Variants in CCNJ observed in about 807,000 individuals in gnomAD.
The protein encoded by CCNJ is cyclin-J.
In CCNJ, 12 loss-of-function variants were observed where a neutral mutation model predicts 41.4. The observed-to-expected ratio is 0.29, with a 90% confidence interval of 0.19 to 0.47. The LOEUF is 0.47. Among genes scored for constraint, CCNJ ranks in the 20% least tolerant of loss-of-function variants. The pLI is 1.00. For missense variants in CCNJ, 340 were observed against 464.6 expected (o/e 0.73, Z 2.47); for synonymous variants, 161 against 173.4 (o/e 0.93, Z 0.56).
chr10:96,044,474 G>A lies in CCNJ; in HGVS notation c.69+12G>A. ...CGCTTCGCTACAAGGTAACTCCGAG[G>A]CCCGGCCTGCCTTCTCCTTCTGTGT... On this transcript the variant is annotated intron_variant, in intron 2 of 5. Coordinates refer to ENST00000465148, the MANE Select transcript of CCNJ (RefSeq NM_001134375.2). 2 of 1,515,394 alleles carry A rather than the reference G, an allele frequency of 1.3e-6. No individual in the cohort carries two copies. Among genetic ancestry groups the A allele is most frequent in the Admixed American group, 2.0e-5 (1 of 50,846 alleles). 93.9% of individuals were successfully genotyped at this position (1,515,394 alleles called of 1,614,324 possible). A position where few individuals can be genotyped will look rare whatever the true frequency, so the allele number is the denominator to read the frequency against.
rs2080765362 is a variant in CCNJ at position 96,059,038 on chromosome 10, CAT to C, written c.*799_*800del. On this transcript the variant is annotated 3_prime_UTR_variant, in exon 6 of 6. Transcript: ENST00000465148. ...GTTATAGTGTGAACTACCTTTATAA[CAT>C]AGGTTAAAATACGCTTGCTAGGGTG... 1 of 152,620 alleles carries C rather than the reference CAT, an allele frequency of 6.6e-6. No homozygotes were observed. Among genetic ancestry groups the C allele is most frequent in the African/African-American group, 2.4e-5 (1 of 41,432 alleles). 9.5% of individuals were successfully genotyped at this position (152,620 alleles called of 1,614,324 possible).
In CCNJ at chr10:96,060,270, A is replaced by G. The variant is rs200686010; in HGVS notation, c.*2029A>G. 6.5e-6 allele frequency: 1 copy of G among 152,672 alleles called. No individual in the cohort carries two copies. Among genetic ancestry groups the G allele is most frequent in the Admixed American group, 6.5e-5 (1 of 15,290 alleles). The allele number at this position is 152,672 out of a possible 1,614,324, so 9.5% of individuals were successfully genotyped here. The stretch of plus-strand genomic sequence containing the variant: ...GGGATAGAGATCCCAACTTGAAACA[A>G]CAGCCAGTGCCTGTGGTAACTTAAT... On this transcript the variant is annotated 3_prime_UTR_variant, in exon 6 of 6. Coordinates refer to ENST00000465148, the MANE Select transcript of CCNJ (RefSeq NM_001134375.2).
chr10:96,043,925 T>C (rs1229935652), intron 1 of CCNJ, among the ~76,000 whole-genome samples: 3 of 152,118 alleles, frequency 2.0e-5, no homozygotes, highest in African/African-American at 7.2e-5. Flanking sequence ...AGGCAGACGC[T>C]CACCCCCGGG....
In CCNJ at chr10:96,060,760, CTG is replaced by C. The variant is rs79604782; in HGVS notation, c.*2523_*2524del. On this transcript the variant is annotated 3_prime_UTR_variant, in exon 6 of 6. Coordinates refer to ENST00000465148, the MANE Select transcript of CCNJ (RefSeq NM_001134375.2). Reference sequence around the variant, plus strand: ...GTACAGACTGCAAACCAAAATGTATCTGTGTTACGACATTAATTGCAAATAGC... The same window carrying C: ...GTACAGACTGCAAACCAAAATGTATCTGTTACGACATTAATTGCAAATAGC... 3.5e-3 allele frequency: 541 copies of C among 152,514 alleles called. 1 individual carries two copies. The highest frequency in any genetic ancestry group is 6.0e-3 in the Non-Finnish European group (405 of 67,996). 9.4% of individuals were successfully genotyped at this position (152,514 alleles called of 1,614,324 possible).
chr10:96,043,411 G>T, upstream of CCNJ: 1 of 368,798 alleles, frequency 2.7e-6, no homozygotes, highest in Non-Finnish European at 4.8e-6. Context: ...GATGCTGACC[G>T]TACCCAGGCG....
At chr10:96,044,275 A>T in intron 1 of CCNJ, 78 bp from the exon 2 acceptor site, 1 of 697,924 alleles carries the variant, frequency 1.4e-6, no homozygotes, top group East Asian at 3.3e-5. Context: ...GGGTGGCCTG[A>T]GGTCACACCC....
chr10:96,045,683 T>A (rs1324324613), intron 2 of CCNJ, among the ~76,000 whole-genome samples: 1 of 100,818 alleles, frequency 9.9e-6, no homozygotes, highest in Non-Finnish European at 2.1e-5. Context: ...ACTTTTGATC[T>A]TTTTTTTTTT....
chr10:96,052,082 C>T (rs1484205071), intron 3 of CCNJ, among the ~76,000 whole-genome samples: 4 of 149,856 alleles, frequency 2.7e-5, no homozygotes, highest in African/African-American at 7.4e-5. Context: ...AGACACTTCA[C>T]TCATCCCTCA....
intron 3 of CCNJ, among the ~76,000 whole-genome samples, chr10:96,056,182 G>A (rs1046168690): frequency 6.6e-5 from 10 of 151,740 alleles, no homozygotes; most frequent in Non-Finnish European, 7.4e-5. Context: ...GGTGGCGGGC[G>A]CCTGTAGTCC....
intron 2 of CCNJ, among the ~76,000 whole-genome samples, chr10:96,047,532 A>G (rs1477300776): frequency 1.3e-5 from 2 of 152,014 alleles, no homozygotes; most frequent in Non-Finnish European, 2.9e-5. Flanking sequence ...CAGCTACTCC[A>G]GAGGTTGAGG....
chr10:96,052,099 T>C (rs1322827068), intron 3 of CCNJ, among the ~76,000 whole-genome samples: 2 of 152,144 alleles, frequency 1.3e-5, no homozygotes, highest in Non-Finnish European at 2.9e-5. Context: ...CTCATCCCCC[T>C]ACCCAGGAGC....
chr10:96,045,374 T>TA (rs1378082856), intron 2 of CCNJ, among the ~76,000 whole-genome samples: 1 of 152,208 alleles, frequency 6.6e-6, no homozygotes, highest in East Asian at 1.9e-4. Context: ...TGACTTTCAA[T>TA]AAAAAGGATT....
chr10:96,056,037 C>T (rs192020278), intron 3 of CCNJ, among the ~76,000 whole-genome samples: 50 of 152,338 alleles, frequency 3.3e-4, no homozygotes, highest in African/African-American at 1.1e-3. Flanking sequence ...TGGCCGGGCG[C>T]AGTGGCTCAC....
chr10:96,052,828 G>A (rs1443779330), intron 3 of CCNJ, among the ~76,000 whole-genome samples: 1 of 152,132 alleles, frequency 6.6e-6, no homozygotes, highest in Non-Finnish European at 1.5e-5. Flanking sequence ...TTTTGCATTG[G>A]AGAGTAGGAA....
chr10:96,057,772 C>T, intron 5 of CCNJ, 58 bp from the exon 6 acceptor site: 1 of 1,522,918 alleles, frequency 6.6e-7, no homozygotes, highest in Non-Finnish European at 8.9e-7. Flanking sequence ...GCATGATTTT[C>T]TTGCAGATTT....
chr10:96,043,316 A>C, upstream of CCNJ: 1 of 311,468 alleles, frequency 3.2e-6, no homozygotes, highest in Non-Finnish European at 5.9e-6. Context: ...TCAGCCGGCG[A>C]TCAGGCCGGC....
intron 2 of CCNJ, among the ~76,000 whole-genome samples, chr10:96,044,695 G>C (rs2080312383): frequency 2.0e-5 from 3 of 152,222 alleles, no homozygotes; most frequent in African/African-American, 7.2e-5. Flanking sequence ...AGGGAAGGTG[G>C]AAAGGGGCGT....
chr10:96,057,264 T>C lies in CCNJ; in HGVS notation c.740+17T>C. 1 of 1,608,444 alleles carries C rather than the reference T, an allele frequency of 6.2e-7. No homozygotes were observed. Among genetic ancestry groups the C allele is most frequent in the African/African-American group, 1.3e-5 (1 of 74,710 alleles). On this transcript the variant is annotated intron_variant, in intron 5 of 5. Transcript: ENST00000465148. Reference sequence around the variant, plus strand: ...ACTGTTGATGTAAGCCTTTTTATTCTTGTGTTTGTACTTTCTCATTAACAG... The same window carrying C: ...ACTGTTGATGTAAGCCTTTTTATTCCTGTGTTTGTACTTTCTCATTAACAG...
In CCNJ at chr10:96,043,700, T is replaced by C; in HGVS notation, c.-61T>C. On this transcript the variant is annotated 5_prime_UTR_variant, in exon 1 of 6. Transcript: ENST00000465148. ...CGCCGCACGACGGCGGGGCTGGGGCTGTGAGGGCCGCGGTTCCGGGTAAGG... is the reference window on the plus strand; with the variant it reads ...CGCCGCACGACGGCGGGGCTGGGGCCGTGAGGGCCGCGGTTCCGGGTAAGG... The C allele has an allele frequency of 7.6e-6, 3 of 392,536 alleles. No homozygotes were observed. In the Admixed American group the frequency reaches 1.3e-4, roughly 17 times the overall value. 24.3% of individuals were successfully genotyped at this position (392,536 alleles called of 1,614,324 possible).
Sources: gnomAD v4.1 joint callset for allele counts (sites outside exome capture counted in the v4.1 genomes callset) on GRCh38, gnomAD v4.1.1 for gene constraint, MANE v1.5 for transcripts, NCBI Gene and HGNC (gene_info 2026-07-23, HGNC 2026-07-21) for gene names.